RP1: variants seen among roughly 807,000 people sequenced by gnomAD.
The protein encoded by RP1 is oxygen-regulated protein 1.
Under a neutral mutation model 14.8 loss-of-function variants are expected in RP1, and 16 were observed. That is an observed-to-expected ratio of 1.08 (90% CI 0.73 to 1.65). The LOEUF is 1.65. RP1 is among the 40% of genes most tolerant of loss of function. RP1 has a pLI of 0.00. For missense variants in RP1, 2,631 were observed against 2,535.0 expected (o/e 1.04, Z -0.81); for synonymous variants, 876 against 883.6 (o/e 0.99, Z 0.15).
intron 8 of RP1, among the ~76,000 whole-genome samples, chr8:54,676,685 C>T (rs1310531877): frequency 6.6e-6 from 1 of 152,140 alleles, no homozygotes; most frequent in Admixed American, 6.6e-5. Context: ...AAATCCAGTT[C>T]TAGTTCTTTC....
chr8:54,831,401 CTTTTTTTTTT>C (rs368455444), intron 24 of RP1, among the ~76,000 whole-genome samples: 5 of 102,746 alleles, frequency 4.9e-5, no homozygotes, highest in Admixed American at 1.0e-4. Flanking sequence ...CCTATTGTTT[CTTTTTTTTTT>C]TTTTTTTTAA....
chr8:54,652,838 G>C (rs1806683580), exon 5 of RP1: 1 of 1,535,670 alleles, frequency 6.5e-7, no homozygotes, highest in South Asian at 1.2e-5. Flanking sequence ...ACCAACTCTG[G>C]ATCCTCCCCT....
At chr8:54,683,760 T>G (rs1368902039) in intron 12 of RP1, among the ~76,000 whole-genome samples, 3 of 152,188 alleles carry the variant, frequency 2.0e-5, no homozygotes, top group African/African-American at 7.2e-5. Context: ...ATAATTTGGC[T>G]TCCTCTCTTC....
chr8:54,773,355 G>C (rs981986683), downstream of RP1, among the ~76,000 whole-genome samples: 1 of 152,060 alleles, frequency 6.6e-6, no homozygotes, highest in Admixed American at 6.6e-5. Flanking sequence ...ACCATCTCAG[G>C]TCCAGGTGCG....
chr8:54,818,218 C>T (rs1251781800), intron 24 of RP1, among the ~76,000 whole-genome samples: 2 of 152,240 alleles, frequency 1.3e-5, no homozygotes, highest in African/African-American at 4.8e-5. Context: ...GTCCTGCATT[C>T]TTCATTTGCA....
At position 54,607,685 on chromosome 8, in the gene RP1, G is replaced by A. The variant is rs566498534; in HGVS notation, c.-12-13270G>A. Among the ~76,000 whole-genome samples, 17 of 152,256 alleles carry A rather than the reference G, an allele frequency of 1.1e-4. No individual in the cohort carries two copies. In the South Asian group the frequency reaches 3.3e-3, roughly 30 times the overall value. On this transcript the variant is annotated intron_variant, in intron 1 of 22. Transcript: ENST00000636932. ...GGCAGGCCTCCTTGAGCTGCGGTGGGCTTCACCCAGTTTGAGGTTCCTGGC... is the reference window on the plus strand; with the variant it reads ...GGCAGGCCTCCTTGAGCTGCGGTGGACTTCACCCAGTTTGAGGTTCCTGGC...
intron 24 of RP1, among the ~76,000 whole-genome samples, chr8:54,831,011 C>A (rs142120552): frequency 0.021 from 3,198 of 152,102 alleles, 51 homozygotes; most frequent in Non-Finnish European, 0.032. Flanking sequence ...TGAGTTTTAT[C>A]CATGTTGAAG....
intron 12 of RP1, among the ~76,000 whole-genome samples, chr8:54,695,089 T>C (rs1807826208): frequency 6.6e-6 from 1 of 152,210 alleles, no homozygotes; most frequent in South Asian, 2.1e-4. Context: ...CCAGTAGTCA[T>C]TCAGGAGCAG....
intron 1 of RP1, among the ~76,000 whole-genome samples, chr8:54,609,383 G>T (rs978805044): frequency 3.3e-5 from 5 of 152,122 alleles, no homozygotes; most frequent in African/African-American, 1.2e-4. Context: ...GAGCCTGGGA[G>T]GTAGAGGCTG....
intron 6 of RP1, among the ~76,000 whole-genome samples, chr8:54,660,560 G>C (rs1806864868): frequency 1.3e-5 from 2 of 152,058 alleles, no homozygotes; most frequent in South Asian, 4.1e-4. Context: ...GGGGTAGGAG[G>C]GGGAGCTTCA....
exon 29 of RP1, chr8:54,870,155 G>T: frequency 2.7e-6 from 1 of 365,864 alleles, no homozygotes; most frequent in Non-Finnish European, 4.8e-6. Flanking sequence ...CTGGTATCTG[G>T]GGTACCCATA....
At position 54,845,050 on chromosome 8, in the gene RP1, G is replaced by A. The variant is rs114182067; in HGVS notation, c.3835+7381G>A. ...CTTAGGGACGGTCAGAGTCTGGGAAGCGAAATTCTATTGTCCACTCCACTA... is the reference window on the plus strand; with the variant it reads ...CTTAGGGACGGTCAGAGTCTGGGAAACGAAATTCTATTGTCCACTCCACTA... On this transcript the variant is annotated intron_variant, in intron 25 of 28. Transcript: ENST00000637698. Among the ~76,000 whole-genome samples, 626 of 152,320 alleles carry A rather than the reference G, an allele frequency of 4.1e-3. 3 individuals carry two copies. The highest frequency in any genetic ancestry group is 0.014 in the African/African-American group (596 of 41,570).
At chr8:54,637,065 A>C (rs1302776920) in intron 3 of RP1, among the ~76,000 whole-genome samples, 2 of 152,170 alleles carry the variant, frequency 1.3e-5, no homozygotes, top group Non-Finnish European at 2.9e-5. Context: ...GTAGCATAGC[A>C]TTATGGAGAT....
chr8:54,779,993 G>A (rs1438692216), intron 23 of RP1, among the ~76,000 whole-genome samples: 1 of 128,346 alleles, frequency 7.8e-6, no homozygotes, highest in African/African-American at 3.4e-5. Context: ...GGGTTAACAT[G>A]GCTCAGCTAG....
intron 15 of RP1, among the ~76,000 whole-genome samples, chr8:54,715,986 A>C (rs957467975): frequency 3.9e-5 from 6 of 152,238 alleles, no homozygotes; most frequent in Non-Finnish European, 7.3e-5. Context: ...TGTGTAAGTC[A>C]TGAGCAATTC....
At chr8:54,780,007 AT>A (rs5891550) in intron 23 of RP1, among the ~76,000 whole-genome samples, 71,557 of 152,014 alleles carry the variant, frequency 0.47, 17,839 homozygotes, top group African/African-American at 0.64. Context: ...CAGCTAGGTG[AT>A]TTTTTTGCGT....
At position 54,621,174 on chromosome 8, in the gene RP1, T is replaced by C. The variant is rs762918948; in HGVS notation, c.208T>C (p.Leu70=). ...FKSFDALLDN[L]SRKVPLPFGV... is the part of the protein sequence containing the mutation. ...GTCCTTTGATGCTCTGCTGGATAAC[T>C]TGTCCAGGAAGGTGCCCCTCCCTTT... Residue 70 remains leucine (L), a synonymous_variant, in exon 2 of 4, where the codon TTG becomes CTG. Transcript: ENST00000220676. The C allele has an allele frequency of 6.2e-7, 1 of 1,614,148 alleles. No individual in the cohort carries two copies. The highest frequency in any genetic ancestry group is 8.5e-7 in the Non-Finnish European group (1 of 1,180,010).
chr8:54,684,755 AG>A (rs1807518234), intron 12 of RP1, among the ~76,000 whole-genome samples: 1 of 151,784 alleles, frequency 6.6e-6, no homozygotes, highest in South Asian at 2.1e-4. Flanking sequence ...TTAAGTTTTG[AG>A]GTACATGTGC....
intron 1 of RP1, among the ~76,000 whole-genome samples, chr8:54,590,314 C>T (rs774084025): frequency 2.2e-4 from 34 of 152,108 alleles, no homozygotes; most frequent in African/African-American, 7.0e-4. Context: ...AGCAAAGAGC[C>T]GCCCACCTCT....
Sources: allele counts gnomAD v4.1 joint callset (sites outside exome capture counted in the v4.1 genomes callset), GRCh38; gene constraint gnomAD v4.1.1; transcripts MANE v1.5; gene names NCBI Gene and HGNC (gene_info 2026-07-23, HGNC 2026-07-21).